Variants in XPO6 observed in about 807,000 individuals in gnomAD.
XPO6 encodes the protein exportin-6.
In XPO6, 3 loss-of-function variants were observed where a neutral mutation model predicts 130.0. The ratio of observed to expected loss-of-function variants is 0.02; its 90% confidence interval spans 0.01 to 0.06. The LOEUF (loss-of-function observed/expected upper bound fraction) is 0.06, where lower values mean the gene tolerates loss of function less well. Ranked by LOEUF, XPO6 falls within the 10% of genes least tolerant of loss-of-function variation. The pLI is 1.00. For synonymous variants in XPO6, 524 were observed against 548.9 expected, an observed-to-expected ratio of 0.95 and a Z score of 0.63; for missense variants, 970 against 1,393.0, an observed-to-expected ratio of 0.70 and a Z score of 4.83.
At chr16:28,208,549 C>A (rs961032395) in intron 1 of XPO6, among the ~76,000 whole-genome samples, 1 of 152,146 alleles carries the variant, frequency 6.6e-6, no homozygotes, top group Non-Finnish European at 1.5e-5. Flanking sequence ...CTATGGCCAC[C>A]CCCTGTGTAC....
At chr16:28,199,878 C>T (rs1045510489) in intron 1 of XPO6, among the ~76,000 whole-genome samples, 1 of 149,248 alleles carries the variant, frequency 6.7e-6, no homozygotes, top group Non-Finnish European at 1.5e-5. Context: ...TTCCCTGGGC[C>T]GGGCACGGTG....
intron 6 of XPO6, among the ~76,000 whole-genome samples, chr16:28,165,799 G>C (rs950974262): frequency 2.0e-5 from 3 of 152,244 alleles, no homozygotes; most frequent in African/African-American, 7.2e-5. Flanking sequence ...TGCTGGAAAA[G>C]CATTTGTGAT....
At chr16:28,173,129 T>A (rs2043480785) in intron 4 of XPO6, 1 of 152,218 alleles carries the variant, frequency 6.6e-6, no homozygotes, top group Admixed American at 6.5e-5. Context: ...GTGCATAGGT[T>A]ACGTGCAAAC....
chr16:28,201,638 C>A (rs570258838), intron 1 of XPO6, among the ~76,000 whole-genome samples: 1 of 152,024 alleles, frequency 6.6e-6, no homozygotes, highest in African/African-American at 2.4e-5. Flanking sequence ...GGGTGGATCA[C>A]GAGGTCAGGA....
chr16:28,113,142 T>G (rs1195637512), intron 15 of XPO6, 92 bp from the exon 16 acceptor site: 1 of 1,480,536 alleles, frequency 6.8e-7, no homozygotes, highest in Non-Finnish European at 9.0e-7. Context: ...TGTGTCATTC[T>G]TGGTTTCCAA....
At chr16:28,180,694 G>T (rs2141871482) in intron 2 of XPO6, among the ~76,000 whole-genome samples, 1 of 151,070 alleles carries the variant, frequency 6.6e-6, no homozygotes, top group East Asian at 2.0e-4. Context: ...CCACCAAAAA[G>T]TCGCAGGCTT....
In XPO6 at chr16:28,111,871, G is replaced by A. The variant is rs372203816; in HGVS notation, c.2287C>T (p.Arg763Cys). 91 of 1,614,172 alleles carry A rather than the reference G, an allele frequency of 5.6e-5. No individual in the cohort carries two copies. Among genetic ancestry groups the A allele is most frequent in the Non-Finnish European group, 6.7e-5 (79 of 1,180,036 alleles). Residue 763 changes from arginine to cysteine, a missense_variant, in exon 17 of 24, where the codon CGC (arginine) becomes TGC (cysteine). Around this residue, in one of 4 missense-constraint regions of XPO6, gnomAD observed 936 missense variants for 1,306.8 expected, o/e 0.72. Coordinates refer to ENST00000304658, the MANE Select transcript of XPO6 (RefSeq NM_015171.4). ...GCAACAGCACTGGGCTTCAGGTTGC[G>A]ATAGTCCCGGGAGAGTGCAGAGATG... ...SLISALSRDY[R>C]NLKPSAVAPQ...
rs372785054 is a variant in XPO6, at chr16:28,152,653, C to G, written c.1224+6G>C. On this transcript the variant is annotated splice_donor_region_variant and intron_variant, in intron 8 of 23. Coordinates refer to ENST00000304658, the MANE Select transcript of XPO6 (RefSeq NM_015171.4). ...CTGGAAGGGAAGGATGACTTTGGTG[C>G]TTTACCTGATGAAATGTGTACTTGA... 8.1e-6 allele frequency: 13 copies of G among 1,607,926 alleles called. No individual in the cohort carries two copies. The African/African-American group carries it at 1.7e-4, about 22-fold the overall frequency.
intron 12 of XPO6, among the ~76,000 whole-genome samples, chr16:28,126,141 C>A (rs1011630428): frequency 2.6e-5 from 4 of 152,102 alleles, no homozygotes; most frequent in Non-Finnish European, 5.9e-5. Context: ...TCCTTTTGAC[C>A]CTGTAAGGTC....
chr16:28,132,246 GT>G lies in XPO6; in HGVS notation c.1606+87del. ...GGGGAGGCTGCAGTGAAGAAATCAT[GT>G]TCCGACAGCAACGGCAGCAGTAATG... On this transcript the variant is annotated intron_variant, in intron 12 of 23. Transcript: ENST00000304658. This position sits in a 1 kb window ranked among gnomAD's most constrained non-coding sequence, Gnocchi z 4.0. The G allele has an allele frequency of 9.8e-7, 1 of 1,021,288 alleles. No individual in the cohort carries two copies. Among genetic ancestry groups the G allele is most frequent in the Non-Finnish European group, 1.5e-6 (1 of 678,662 alleles). The allele number at this position is 1,021,288 out of a possible 1,614,324, so 63.3% of individuals were successfully genotyped here. A position where few individuals can be genotyped will look rare whatever the true frequency, so the allele number is the denominator to read the frequency against.
At chr16:28,190,865 TATATG>T (rs985631563) in intron 1 of XPO6, among the ~76,000 whole-genome samples, 1 of 150,204 alleles carries the variant, frequency 6.7e-6, no homozygotes, top group African/African-American at 2.5e-5. Flanking sequence ...TGTACATGCA[TATATG>T]TCTATATATA....
At chr16:28,187,172 A>C (rs1051867292) in intron 1 of XPO6, among the ~76,000 whole-genome samples, 2 of 152,030 alleles carry the variant, frequency 1.3e-5, no homozygotes, top group African/African-American at 2.4e-5. Flanking sequence ...ATTCAATGTC[A>C]CTCGCCATAG....
intron 4 of XPO6, among the ~76,000 whole-genome samples, chr16:28,174,329 G>A (rs192658771): frequency 5.3e-5 from 8 of 152,124 alleles, no homozygotes; most frequent in East Asian, 3.9e-4. Context: ...AGCCTTCTAC[G>A]AGCATCCCAT....
chr16:28,117,715 G>A (rs2087105777), intron 14 of XPO6, among the ~76,000 whole-genome samples: 2 of 152,228 alleles, frequency 1.3e-5, no homozygotes, highest in African/African-American at 4.8e-5. Context: ...CAATCTTTCT[G>A]TGACACATGC....
At chr16:28,141,953 AGCTC>A (rs2042902763) in intron 9 of XPO6, among the ~76,000 whole-genome samples, 1 of 152,238 alleles carries the variant, frequency 6.6e-6, no homozygotes, top group African/African-American at 2.4e-5. Flanking sequence ...GAGCATGCAG[AGCTC>A]CAATTTCCAA....
intron 1 of XPO6, chr16:28,183,248 G>A (rs2043645062): frequency 6.6e-6 from 1 of 151,976 alleles, no homozygotes; most frequent in Non-Finnish European, 1.5e-5. Flanking sequence ...TTTACTCTCT[G>A]CCCCAACCCA....
intron 20 of XPO6, 125 bp from the exon 21 acceptor site, chr16:28,104,832 T>G (rs1336908902): frequency 3.8e-6 from 4 of 1,057,684 alleles, no homozygotes; most frequent in Admixed American, 2.3e-5. Flanking sequence ...TCCATCCACA[T>G]GCCTGTCACT....
rs367911325 is a variant in XPO6 at position 28,120,183 on chromosome 16, A to C, written c.1859+1487T>G. Among the ~76,000 whole-genome samples the C allele has an allele frequency of 9.0e-3, 1,372 of 152,130 alleles. 27 individuals are homozygous for C. The highest frequency in any genetic ancestry group is 0.031 in the African/African-American group (1,266 of 41,434). Reference sequence around the variant, plus strand: ...TCAAATGGCTCAGCAAAATAATAATAATAATCATCATCATCATCATCATGT... The same window carrying C: ...TCAAATGGCTCAGCAAAATAATAATCATAATCATCATCATCATCATCATGT... On this transcript the variant is annotated intron_variant, in intron 14 of 23. Coordinates refer to ENST00000304658, the MANE Select transcript of XPO6 (RefSeq NM_015171.4).
chr16:28,198,423 A>C (rs1460942840), intron 1 of XPO6, among the ~76,000 whole-genome samples: 1 of 152,178 alleles, frequency 6.6e-6, no homozygotes, highest in Non-Finnish European at 1.5e-5. Flanking sequence ...GTGGCAGAGA[A>C]GATTTTGTGT....
Sources: gnomAD v4.1 joint callset for allele counts (sites outside exome capture counted in the v4.1 genomes callset) on GRCh38, gnomAD v4.1.1 for gene constraint, gnomAD v4.1.1 regional missense constraint, Gnocchi (gnomAD v3.1) non-coding constraint, MANE v1.5 for transcripts, NCBI Gene and HGNC (gene_info 2026-07-23, HGNC 2026-07-21) for gene names.